RIC8B: variants seen among roughly 807,000 people sequenced by gnomAD.
RIC8B encodes the protein RIC8 guanine nucleotide exchange factor B.
A neutral mutation model predicts 57.5 loss-of-function variants in RIC8B; 16 were observed. That is an observed-to-expected ratio of 0.28 (90% confidence interval 0.19 to 0.42). The LOEUF (loss-of-function observed/expected upper bound fraction) is 0.42, where lower values mean the gene tolerates loss of function less well. Among genes scored for constraint, RIC8B ranks in the 10% least tolerant of loss-of-function variants. RIC8B has a pLI of 1.00. For synonymous variants in RIC8B, 216 were observed against 250.8 expected (o/e 0.86, Z 1.31); for missense variants, 481 against 677.0 (o/e 0.71, Z 3.21).
At chr12:106,808,542 C>T (rs1418009332) in intron 2 of RIC8B, among the ~76,000 whole-genome samples, 1 of 152,122 alleles carries the variant, frequency 6.6e-6, no homozygotes, top group Non-Finnish European at 1.5e-5. Flanking sequence ...TAGGCCAATA[C>T]TTTTCTAAAA....
intron 2 of RIC8B, among the ~76,000 whole-genome samples, chr12:106,800,386 TTTTAAAC>T (rs1283683462): frequency 6.6e-6 from 1 of 151,980 alleles, no homozygotes; most frequent in African/African-American, 2.4e-5. Flanking sequence ...TGCTACACAC[TTTTAAAC>T]AGCCAGATCT....
chr12:106,878,888 A>G (rs772358168), intron 9 of RIC8B: 13 of 689,068 alleles, frequency 1.9e-5, no homozygotes, highest in Non-Finnish European at 2.1e-5. Context: ...GATCGGAACT[A>G]TTATGCAGTA....
At chr12:106,856,219 G>C (rs941544861) in intron 7 of RIC8B, among the ~76,000 whole-genome samples, 1 of 152,014 alleles carries the variant, frequency 6.6e-6, no homozygotes, top group East Asian at 1.9e-4. Context: ...TCTGTTTCTA[G>C]TCAGATTTTC....
At chr12:106,803,697 A>G (rs1028877509) in intron 2 of RIC8B, among the ~76,000 whole-genome samples, 2 of 152,322 alleles carry the variant, frequency 1.3e-5, no homozygotes, top group East Asian at 1.9e-4. Context: ...TCACCAACTC[A>G]TAGTAAAGAT....
At chr12:106,794,469 G>A (rs2044389194) in intron 2 of RIC8B, among the ~76,000 whole-genome samples, 1 of 152,190 alleles carries the variant, frequency 6.6e-6, no homozygotes, top group East Asian at 1.9e-4. Context: ...TGAACCCAAA[G>A]AGATGCATAA....
intron 3 of RIC8B, among the ~76,000 whole-genome samples, chr12:106,820,051 A>G (rs2045769988): frequency 1.3e-5 from 2 of 152,262 alleles, no homozygotes; most frequent in South Asian, 4.1e-4. Context: ...TTGTTGGTTT[A>G]TACCTTTTCA....
chr12:106,808,025 C>T (rs1241179806), intron 2 of RIC8B, among the ~76,000 whole-genome samples: 1 of 148,268 alleles, frequency 6.7e-6, no homozygotes, highest in Non-Finnish European at 1.5e-5. Flanking sequence ...GCGGAGGTTG[C>T]AGTGAGCTGA....
At chr12:106,809,522 C>CAAAAAAA (rs201411394) in intron 2 of RIC8B, among the ~76,000 whole-genome samples, 5 of 105,546 alleles carry the variant, frequency 4.7e-5, no homozygotes, top group Non-Finnish European at 4.0e-5. Context: ...ACTCTTGTCT[C>CAAAAAAA]AAAAAAAAAA....
intron 1 of RIC8B, among the ~76,000 whole-genome samples, chr12:106,779,233 A>ATT (rs58546342): frequency 6.8e-5 from 9 of 132,960 alleles, no homozygotes; most frequent in Admixed American, 1.5e-4. Flanking sequence ...TCCTATATAC[A>ATT]TTTTTTTTTT....
chr12:106,886,165 G>A lies in RIC8B; in HGVS notation c.*150G>A, dbSNP rs969924025. ...CATTGAGAATCCAGCATATTTAAGA[G>A]GTGACCCTGTGTTTTTTGTGATATT... On this transcript the variant is annotated 3_prime_UTR_variant, in exon 10 of 10. Transcript: ENST00000392837. 1.6e-6 allele frequency: 1 copy of A among 616,510 alleles called. No homozygotes were observed. Among genetic ancestry groups the A allele is most frequent in the East Asian group, 2.8e-5 (1 of 36,252 alleles). The allele number at this position is 616,510 out of a possible 1,614,324, so 38.2% of individuals were successfully genotyped here. A position where few individuals can be genotyped will look rare whatever the true frequency, so the allele number is the denominator to read the frequency against.
At chr12:106,846,855 T>G (rs1234896671) in intron 6 of RIC8B, among the ~76,000 whole-genome samples, 1 of 152,050 alleles carries the variant, frequency 6.6e-6, no homozygotes, top group East Asian at 1.9e-4. Flanking sequence ...GGTATGGAGA[T>G]GAAACATGAC....
chr12:106,851,428 G>GTTTTTGCATT, intron 6 of RIC8B, 22 bp from the exon 7 acceptor site: 1 of 1,603,782 alleles, frequency 6.2e-7, no homozygotes, highest in Non-Finnish European at 8.5e-7. Flanking sequence ...ATTGATGATG[G>GTTTTTGCATT]TTTTTGCATT....
chr12:106,810,574 T>C (rs1163188185), intron 2 of RIC8B, among the ~76,000 whole-genome samples: 1 of 152,148 alleles, frequency 6.6e-6, no homozygotes, highest in Non-Finnish European at 1.5e-5. Context: ...ATGTTGAAAG[T>C]GGGTTTTAAG....
chr12:106,782,959 G>GT (rs2043833863), intron 1 of RIC8B, among the ~76,000 whole-genome samples: 1 of 152,176 alleles, frequency 6.6e-6, no homozygotes, highest in African/African-American at 2.4e-5. Flanking sequence ...ATTCTTAAGA[G>GT]TACTTGGTTC....
rs1356750782 is a variant in RIC8B at position 106,887,582 on chromosome 12, T to G, written c.*1567T>G. On this transcript the variant is annotated 3_prime_UTR_variant, in exon 10 of 10. Coordinates refer to ENST00000392837, the MANE Select transcript of RIC8B (RefSeq NM_001330145.2). ...CTTCAAGAATATCACTCTTAGACTCTGAACTGAAATTTGCATACGCTTCCA... is the reference window on the plus strand; with the variant it reads ...CTTCAAGAATATCACTCTTAGACTCGGAACTGAAATTTGCATACGCTTCCA... 1 of 152,208 alleles carries G rather than the reference T, an allele frequency of 6.6e-6. No individual in the cohort carries two copies. The highest frequency in any genetic ancestry group is 1.5e-5 in the Non-Finnish European group (1 of 68,040). 9.4% of individuals were successfully genotyped at this position (152,208 alleles called of 1,614,324 possible).
At chr12:106,819,735 GGA>G (rs1491097913) in intron 3 of RIC8B, among the ~76,000 whole-genome samples, 1 of 117,048 alleles carries the variant, frequency 8.5e-6, no homozygotes, top group East Asian at 2.3e-4. Flanking sequence ...CAGCGTCTCA[GGA>G]AAAAAAAAAA....
chr12:106,779,681 A>ATT (rs374606156), intron 1 of RIC8B, among the ~76,000 whole-genome samples: 28,945 of 137,198 alleles, frequency 0.21, 3,058 homozygotes, highest in East Asian at 0.27. Flanking sequence ...ACAAAAAAAA[A>ATT]TTTTTTTTTT....
In RIC8B at chr12:106,838,827, C is replaced by CAA. The variant is rs139991727; in HGVS notation, c.837-3753_837-3752dup. 7.3e-4 allele frequency among the ~76,000 whole-genome samples: 106 copies of CAA among 144,284 alleles called. 1 individual carries two copies. Among genetic ancestry groups the CAA allele is most frequent in the East Asian group, 6.2e-3 (31 of 4,988 alleles). The allele number at this position is 144,284 out of a possible 152,430, so 94.7% of individuals were successfully genotyped here. ...AACCTATTAAAAAACTCTTAATAGC[C>CAA]AAAAAAAAAACCTGATTTTAAAATG... On this transcript the variant is annotated intron_variant, in intron 4 of 9. Coordinates refer to ENST00000392837, the MANE Select transcript of RIC8B (RefSeq NM_001330145.2).
intron 3 of RIC8B, chr12:106,823,364 G>C (rs1308686697): frequency 2.2e-6 from 1 of 448,092 alleles, no homozygotes; most frequent in African/African-American, 2.0e-5. Flanking sequence ...GAGAAATAGA[G>C]CTAATTTAGT....
Sources: gnomAD v4.1 joint callset for allele counts (sites outside exome capture counted in the v4.1 genomes callset) on GRCh38, gnomAD v4.1.1 for gene constraint, MANE v1.5 for transcripts, NCBI Gene and HGNC (gene_info 2026-07-23, HGNC 2026-07-21) for gene names.